The following FGF2 variants were observed in gnomAD, a reference collection of about 807,000 sequenced individuals.
FGF2 encodes the protein basic fibroblast growth factor bFGF.
Under a neutral mutation model 15.9 loss-of-function variants are expected in FGF2, and 13 were observed. That is an observed-to-expected ratio of 0.82 (90% CI 0.53 to 1.30). The LOEUF (loss-of-function observed/expected upper bound fraction) is 1.30, where lower values mean the gene tolerates loss of function less well. FGF2 is among the 50% of genes most tolerant of loss of function. The pLI is 0.00. For synonymous variants in FGF2, 90 were observed against 78.4 expected (o/e 1.15, Z -0.78); for missense variants, 163 against 196.9 (o/e 0.83, Z 1.03).
intron 1 of FGF2, among the ~76,000 whole-genome samples, chr4:122,856,743 CAGT>C (rs1196478905): frequency 1.3e-5 from 2 of 152,122 alleles, no homozygotes; most frequent in Non-Finnish European, 2.9e-5. Context: ...TCTTGTGAAA[CAGT>C]AGTACAGTAT....
intron 1 of FGF2, among the ~76,000 whole-genome samples, chr4:122,837,420 A>G (rs1725887942): frequency 6.6e-6 from 1 of 152,228 alleles, no homozygotes; most frequent in South Asian, 2.1e-4. Flanking sequence ...ACTTTTGGAA[A>G]CATATCACTT....
rs2150796805 is a variant in FGF2, at chr4:122,895,356, ATTG to A, written c.*2963_*2965del. The A allele has an allele frequency of 6.6e-6, 1 of 152,278 alleles. No individual in the cohort carries two copies. Among genetic ancestry groups the A allele is most frequent in the South Asian group, 2.1e-4 (1 of 4,822 alleles). 9.4% of individuals were successfully genotyped at this position (152,278 alleles called of 1,614,324 possible). ...GAAGAGATATGTTTAAATATGTTGT[ATTG>A]TTTTGTTTAGTTACAGGACAATAAT... On this transcript the variant is annotated 3_prime_UTR_variant, in exon 3 of 3. Coordinates refer to ENST00000644866, the MANE Select transcript of FGF2 (RefSeq NM_001361665.2).
At chr4:122,832,664 AATTTGTAT>A (rs1279823433) in intron 1 of FGF2, among the ~76,000 whole-genome samples, 3 of 152,170 alleles carry the variant, frequency 2.0e-5, no homozygotes, top group African/African-American at 7.2e-5. Context: ...TCTAGTACTT[AATTTGTAT>A]ATTGTCAGTG....
intron 1 of FGF2, among the ~76,000 whole-genome samples, chr4:122,833,295 C>T (rs1286016839): frequency 1.3e-5 from 2 of 152,000 alleles, no homozygotes; most frequent in Non-Finnish European, 2.9e-5. Flanking sequence ...GAAAAGTTCA[C>T]AGATTTTCAA....
At chr4:122,871,911 GA>G (rs1726744632) in intron 1 of FGF2, among the ~76,000 whole-genome samples, 1 of 13,626 alleles carries the variant, frequency 7.3e-5, no homozygotes, top group African/African-American at 1.2e-3. Flanking sequence ...ACAAAGATGA[GA>G]AAGAAATCAA....
Position 122,896,067 on chromosome 4 carries a change from C to T in FGF2, c.*3671C>T, listed in dbSNP as rs3827582. 0.91 allele frequency: 138,526 copies of T among 152,676 alleles called. 63,096 individuals carry two copies. The highest frequency in any genetic ancestry group is 0.96 in the East Asian group (4,975 of 5,186). 9.5% of individuals were successfully genotyped at this position (152,676 alleles called of 1,614,324 possible). On this transcript the variant is annotated 3_prime_UTR_variant, in exon 3 of 3. Transcript: ENST00000644866. ...AATTTTCAGGCAAAGCTTTAATTTA[C>T]ACTAAGCTTAGGAAGTATGGCTAAT...
At chr4:122,864,959 A>C (rs10000779) in intron 1 of FGF2, among the ~76,000 whole-genome samples, 1 of 152,106 alleles carries the variant, frequency 6.6e-6, no homozygotes, top group African/African-American at 2.4e-5. Context: ...TTTAAATATC[A>C]CAATGCATGT....
intron 2 of FGF2, chr4:122,882,903 C>T (rs921598113): frequency 1.3e-5 from 2 of 152,158 alleles, no homozygotes; most frequent in African/African-American, 4.8e-5. Context: ...AAGCGTGCCC[C>T]ACCTCAACAC....
At chr4:122,869,313 A>G (rs1383179663) in intron 1 of FGF2, among the ~76,000 whole-genome samples, 1 of 152,210 alleles carries the variant, frequency 6.6e-6, no homozygotes, top group Non-Finnish European at 1.5e-5. Flanking sequence ...TGTCTTGGCT[A>G]TACGGGGTCT....
At chr4:122,847,048 A>G (rs925439356) in intron 1 of FGF2, among the ~76,000 whole-genome samples, 2 of 152,232 alleles carry the variant, frequency 1.3e-5, no homozygotes, top group African/African-American at 4.8e-5. Flanking sequence ...TTTCTTTTCA[A>G]GTCCCACACA....
At position 122,891,657 on chromosome 4, in the gene FGF2, A is replaced by T. The variant is rs996945074; in HGVS notation, c.283-554A>T. 8.5e-5 allele frequency among the ~76,000 whole-genome samples: 13 copies of T among 152,342 alleles called. No homozygotes were observed. The South Asian group carries it at 2.7e-3, about 32-fold the overall frequency. ...TCATTATTATGCCTTAAAAAACATT[A>T]GCCACTTAAAACTTTTTGTTAAAAT... is the stretch of plus-strand genomic sequence containing the variant. On this transcript the variant is annotated intron_variant, in intron 2 of 2. Coordinates refer to ENST00000644866, the MANE Select transcript of FGF2 (RefSeq NM_001361665.2).
At chr4:122,853,553 A>G (rs1726277600) in intron 1 of FGF2, among the ~76,000 whole-genome samples, 1 of 152,168 alleles carries the variant, frequency 6.6e-6, no homozygotes, top group Admixed American at 6.5e-5. Context: ...GGAAGGAGGG[A>G]AAAGGGGAAT....
chr4:122,846,669 A>G (rs10518407), intron 1 of FGF2, among the ~76,000 whole-genome samples: 3,793 of 152,328 alleles, frequency 0.025, 174 homozygotes, highest in African/African-American at 0.086. Context: ...AATGGGATTA[A>G]AAGAGACGAG....
chr4:122,871,463 G>A (rs1726730266), intron 1 of FGF2, among the ~76,000 whole-genome samples: 1 of 151,956 alleles, frequency 6.6e-6, no homozygotes. Context: ...TCTCTTTGTA[G>A]GTCTCTAAGA....
At chr4:122,829,410 AC>A (rs1490059589) in intron 1 of FGF2, among the ~76,000 whole-genome samples, 1 of 152,086 alleles carries the variant, frequency 6.6e-6, no homozygotes, top group Non-Finnish European at 1.5e-5. Flanking sequence ...ACATTATAAT[AC>A]CCTCAACAAA....
At position 122,893,130 on chromosome 4, in the gene FGF2, C is replaced by T. The variant is rs199533328; in HGVS notation, c.*734C>T. On this transcript the variant is annotated 3_prime_UTR_variant, in exon 3 of 3. Transcript: ENST00000644866. Reference sequence around the variant, plus strand: ...ATATACATATCTGACTTCCCAAAAGCTCCAGGATTTGTGTGCTGTTGCCGA... The same window carrying T: ...ATATACATATCTGACTTCCCAAAAGTTCCAGGATTTGTGTGCTGTTGCCGA... The T allele has an allele frequency of 2.5e-6, 4 of 1,614,154 alleles. No individual in the cohort carries two copies. The highest frequency in any genetic ancestry group is 3.4e-6 in the Non-Finnish European group (4 of 1,180,028).
chr4:122,828,790 C>T, intron 1 of FGF2, among the ~76,000 whole-genome samples: 1 of 152,124 alleles, frequency 6.6e-6, no homozygotes, highest in African/African-American at 2.4e-5. Flanking sequence ...TGCTTGTAAC[C>T]TATTAGATGG....
chr4:122,839,427 A>G (rs930495684), intron 1 of FGF2, among the ~76,000 whole-genome samples: 1 of 152,198 alleles, frequency 6.6e-6, no homozygotes, highest in Non-Finnish European at 1.5e-5. Context: ...TTCTTCATTG[A>G]GTGAGATTGT....
At chr4:122,831,333 G>A (rs1210928569) in intron 1 of FGF2, among the ~76,000 whole-genome samples, 1 of 152,074 alleles carries the variant, frequency 6.6e-6, no homozygotes, top group Non-Finnish European at 1.5e-5. Flanking sequence ...TGAGCTGCTA[G>A]CCCCTTTGAA....
Sources: allele counts gnomAD v4.1 joint callset (sites outside exome capture counted in the v4.1 genomes callset), GRCh38; gene constraint gnomAD v4.1.1; transcripts MANE v1.5; gene names NCBI Gene and HGNC (gene_info 2026-07-23, HGNC 2026-07-21).